The following SKIC3 variants were observed in gnomAD, a reference collection of about 807,000 sequenced individuals.
The protein encoded by SKIC3 is SKI3 subunit of superkiller complex.
At chr5:95,529,780 C>A in the SKIC3 span, among the ~76,000 whole-genome samples, 10 of 151,648 alleles carry the variant, frequency 6.6e-5, no homozygotes, top group Non-Finnish European at 1.3e-4. Flanking sequence ...CCCTCCCTCC[C>A]TCCCTCCCTC....
At chr5:95,547,130 C>T in the SKIC3 span, 7 of 1,612,966 alleles carry the variant, frequency 4.3e-6, no homozygotes, top group African/African-American at 9.3e-5. Flanking sequence ...TTAGAGCAGT[C>T]TTCACTTCCT....
At chr5:95,552,346 T>C in the SKIC3 span, among the ~76,000 whole-genome samples, 44 of 152,328 alleles carry the variant, frequency 2.9e-4, no homozygotes, top group African/African-American at 1.0e-3. Flanking sequence ...ACTTAACAAA[T>C]ATTATTTTTA....
chr5:95,497,357 A>G, the SKIC3 span: 1,147 of 1,347,766 alleles, frequency 8.5e-4, 7 homozygotes, highest in African/African-American at 0.015. Flanking sequence ...TAAAATTATC[A>G]TATTTACCAT....
chr5:95,505,814 C>A, the SKIC3 span, among the ~76,000 whole-genome samples: 5 of 147,978 alleles, frequency 3.4e-5, no homozygotes, highest in Non-Finnish European at 6.0e-5. Context: ...CTCTGTCCCC[C>A]CAAAAAAAAA....
the SKIC3 span, among the ~76,000 whole-genome samples, chr5:95,518,482 A>C: frequency 6.6e-6 from 1 of 151,754 alleles, no homozygotes; most frequent in East Asian, 1.9e-4. Flanking sequence ...CCCAGCTTCT[A>C]GTATCCTCTG....
the SKIC3 span, chr5:95,513,366 G>T: frequency 1.9e-6 from 1 of 538,734 alleles, no homozygotes; most frequent in East Asian, 3.4e-5. Context: ...ATCATACCTG[G>T]CTAATTTTTA....
chr5:95,464,944 G>A, the SKIC3 span, among the ~76,000 whole-genome samples: 28,428 of 74,018 alleles, frequency 0.38, 4,493 homozygotes, highest in African/African-American at 0.55. Flanking sequence ...TTTTTTTTTT[G>A]GACGGAATCT....
chr5:95,470,847 A>C, the SKIC3 span, among the ~76,000 whole-genome samples: 1 of 152,162 alleles, frequency 6.6e-6, no homozygotes, highest in East Asian at 1.9e-4. Context: ...AACAGTAACA[A>C]ACTAAAGTGA....
the SKIC3 span, among the ~76,000 whole-genome samples, chr5:95,546,475 A>C: frequency 6.6e-6 from 1 of 152,150 alleles, no homozygotes; most frequent in Non-Finnish European, 1.5e-5. Flanking sequence ...GCCATTAGAG[A>C]AGAAAGCTTT....
chr5:95,481,592 TCAA>T, the SKIC3 span, among the ~76,000 whole-genome samples: 9 of 152,280 alleles, frequency 5.9e-5, no homozygotes, highest in Admixed American at 5.9e-4. Flanking sequence ...GAATATGAAA[TCAA>T]CAACATCTAG....
At chr5:95,467,837 A>C in the SKIC3 span, 3 of 1,613,060 alleles carry the variant, frequency 1.9e-6, no homozygotes, top group Non-Finnish European at 2.5e-6. Context: ...TCAATGCCTC[A>C]AACATTTTAA....
chr5:95,523,167 G>A, the SKIC3 span: 1 of 1,612,704 alleles, frequency 6.2e-7, no homozygotes, highest in South Asian at 1.1e-5. Flanking sequence ...CGTTATGCTT[G>A]TCTAACATAG....
chr5:95,469,661 C>T, the SKIC3 span: 16 of 1,401,564 alleles, frequency 1.1e-5, no homozygotes, highest in Non-Finnish European at 1.6e-5. Flanking sequence ...AAATACCCCC[C>T]AAAGTTTGTT....
chr5:95,511,441 G>A, the SKIC3 span, among the ~76,000 whole-genome samples: 1 of 152,008 alleles, frequency 6.6e-6, no homozygotes, highest in Non-Finnish European at 1.5e-5. Context: ...TACAAAATAA[G>A]CATGAGGAGA....
At chr5:95,541,375 T>C in the SKIC3 span, 8 of 1,613,538 alleles carry the variant, frequency 5.0e-6, no homozygotes. Flanking sequence ...CTTCTGCTTG[T>C]CAACACTTAG....
At chr5:95,515,013 C>T in the SKIC3 span, 2 of 1,255,394 alleles carry the variant, frequency 1.6e-6, no homozygotes, top group African/African-American at 1.5e-5. Flanking sequence ...TAAGTCAAAC[C>T]TCTCATCATA....
chr5:95,517,434 TC>T, the SKIC3 span: 1 of 1,186,352 alleles, frequency 8.4e-7, no homozygotes, highest in Non-Finnish European at 1.2e-6. Flanking sequence ...TTTACTAGTC[TC>T]CTCCTAACTG....
the SKIC3 span, among the ~76,000 whole-genome samples, chr5:95,485,561 C>T: frequency 5.9e-5 from 9 of 152,214 alleles, no homozygotes; most frequent in Non-Finnish European, 1.2e-4. Flanking sequence ...ATGAATTTCT[C>T]CATCTACCTT....
the SKIC3 span, chr5:95,540,934 A>G: frequency 1.8e-6 from 2 of 1,139,400 alleles, no homozygotes; most frequent in Non-Finnish European, 2.6e-6. Flanking sequence ...TAATATATAA[A>G]AATAGCAAAA....
Sources: gnomAD v4.1 joint callset for allele counts (sites outside exome capture counted in the v4.1 genomes callset) on GRCh38, gnomAD v4.1.1 for gene constraint, MANE v1.5 for transcripts, NCBI Gene and HGNC (gene_info 2026-07-23, HGNC 2026-07-21) for gene names.